Variants in CDK19 observed in about 807,000 individuals in gnomAD.
The protein encoded by CDK19 is cyclin dependent kinase 19.
In CDK19, 20 loss-of-function variants were observed where a neutral mutation model predicts 68.3. The observed-to-expected ratio is 0.29, with a 90% confidence interval of 0.21 to 0.43. The LOEUF (loss-of-function observed/expected upper bound fraction) is 0.43. CDK19 is among the 20% of genes least tolerant of loss of function. CDK19 has a pLI of 1.00. For synonymous variants in CDK19, 221 were observed against 222.8 expected (o/e 0.99, Z 0.07); for missense variants, 339 against 623.5 (o/e 0.54, Z 4.86).
At chr6:110,642,029 G>A (rs915200489) in intron 4 of CDK19, among the ~76,000 whole-genome samples, 2 of 152,202 alleles carry the variant, frequency 1.3e-5, no homozygotes, top group African/African-American at 2.4e-5. Context: ...GAGGCTGGGC[G>A]TGGTGGCTCA....
chr6:110,647,075 C>T (rs1780645721), intron 4 of CDK19, among the ~76,000 whole-genome samples: 1 of 152,074 alleles, frequency 6.6e-6, no homozygotes, highest in Admixed American at 6.6e-5. Flanking sequence ...GCGCTGTCTA[C>T]ACCCTCCTGC....
At chr6:110,755,071 G>T (rs893072082) in intron 1 of CDK19, among the ~76,000 whole-genome samples, 1 of 130,924 alleles carries the variant, frequency 7.6e-6, no homozygotes, top group South Asian at 2.4e-4. Flanking sequence ...ATGAAGTTTC[G>T]CTCTTGTTGC....
intron 5 of CDK19, among the ~76,000 whole-genome samples, chr6:110,634,727 T>C (rs2114726106): frequency 6.6e-6 from 1 of 152,362 alleles, no homozygotes; most frequent in African/African-American, 2.4e-5. Flanking sequence ...TTACACAATA[T>C]TCAAGGCACT....
chr6:110,670,752 T>A (rs1770931246), intron 2 of CDK19: 1 of 644,426 alleles, frequency 1.6e-6, no homozygotes, highest in African/African-American at 1.8e-5. Flanking sequence ...TTCTATGTGC[T>A]TAGGTATATC....
chr6:110,625,217 CCT>C (rs1261735655), intron 8 of CDK19, among the ~76,000 whole-genome samples: 4 of 152,276 alleles, frequency 2.6e-5, no homozygotes, highest in African/African-American at 9.6e-5. Context: ...AGTTCTCACC[CCT>C]GATTCTGACT....
At chr6:110,643,010 G>A (rs1411516355) in intron 4 of CDK19, among the ~76,000 whole-genome samples, 1 of 152,180 alleles carries the variant, frequency 6.6e-6, no homozygotes, top group Admixed American at 6.5e-5. Flanking sequence ...GAAAGGCAAG[G>A]TAGGCCTGAG....
rs536090016 is a variant in CDK19 at position 110,610,017 on chromosome 6, T to C, written c.*4518A>G. Reference sequence around the variant, plus strand: ...TTTTATTTCAACCAAGAATATAAAATAAATGCAATGTAATTTATTTTAGTT... The same window carrying C: ...TTTTATTTCAACCAAGAATATAAAACAAATGCAATGTAATTTATTTTAGTT... On this transcript the variant is annotated 3_prime_UTR_variant, in exon 13 of 13. Coordinates refer to ENST00000368911, the MANE Select transcript of CDK19 (RefSeq NM_015076.5). The C allele has an allele frequency of 5.0e-4, 76 of 152,314 alleles. No homozygotes were observed. Among genetic ancestry groups the C allele is most frequent in the African/African-American group, 1.6e-3 (68 of 41,570 alleles). The allele number at this position is 152,314 out of a possible 1,614,324, so 9.4% of individuals were successfully genotyped here. A position where few individuals can be genotyped will look rare whatever the true frequency, so the allele number is the denominator to read the frequency against.
At chr6:110,678,539 T>A (rs1488660946) in intron 2 of CDK19, among the ~76,000 whole-genome samples, 2 of 152,108 alleles carry the variant, frequency 1.3e-5, no homozygotes, top group African/African-American at 2.4e-5. Context: ...CCTCAGTGAG[T>A]CTTCCCTAGC....
chr6:110,650,138 C>T (rs1359041754), intron 4 of CDK19, among the ~76,000 whole-genome samples: 1 of 152,132 alleles, frequency 6.6e-6, no homozygotes, highest in Non-Finnish European at 1.5e-5. Flanking sequence ...AGATTTAAGA[C>T]TATATAGAAC....
At chr6:110,698,549 G>A (rs2114621239) in intron 2 of CDK19, among the ~76,000 whole-genome samples, 1 of 152,274 alleles carries the variant, frequency 6.6e-6, no homozygotes, top group African/African-American at 2.4e-5. Flanking sequence ...ACTTAACACT[G>A]CTGGTTGGAA....
intron 2 of CDK19, among the ~76,000 whole-genome samples, chr6:110,709,884 T>A (rs1283759300): frequency 6.6e-6 from 1 of 152,184 alleles, no homozygotes; most frequent in African/African-American, 2.4e-5. Context: ...TAAAACTTCT[T>A]ATACACAAAT....
rs557576296 is a variant in CDK19 at position 110,780,283 on chromosome 6, G to A, written c.129-34082C>T. Among the ~76,000 whole-genome samples, 10 of 150,832 alleles carry A rather than the reference G, an allele frequency of 6.6e-5. No homozygotes were observed. In the East Asian group the frequency reaches 9.7e-4, roughly 15 times the overall value. ...CATGCACCTGTAATCCTAGCTGCTC[G>A]GGAGACTGAGGCAGAAGAATCACTT... On this transcript the variant is annotated intron_variant, in intron 1 of 12. Transcript: ENST00000368911.
rs914125535 is a variant in CDK19, at chr6:110,815,438, G to A, written c.-302C>T. 13 of 256,260 alleles carry A rather than the reference G, an allele frequency of 5.1e-5. No homozygotes were observed. Among genetic ancestry groups the A allele is most frequent in the African/African-American group, 1.1e-4 (5 of 44,272 alleles). 15.9% of individuals were successfully genotyped at this position (256,260 alleles called of 1,614,324 possible). A position where few individuals can be genotyped will look rare whatever the true frequency, so the allele number is the denominator to read the frequency against. ...GTTTTGGAACCTGGTGGGCCGCGCC[G>A]TGGCTTCCTCGAGCTCATTAGCGAA... On this transcript the variant is annotated 5_prime_UTR_variant, in exon 1 of 13. In the 5' UTR this introduces an upstream ATG that the reference lacks. Coordinates refer to ENST00000368911, the MANE Select transcript of CDK19 (RefSeq NM_015076.5).
intron 4 of CDK19, among the ~76,000 whole-genome samples, chr6:110,654,528 A>C (rs1174660468): frequency 6.6e-6 from 1 of 152,254 alleles, no homozygotes; most frequent in African/African-American, 2.4e-5. Flanking sequence ...TGTTTAATAC[A>C]TATTTGTTGA....
chr6:110,638,597 T>A, intron 5 of CDK19, 52 bp downstream of exon 5: 1 of 884,868 alleles, frequency 1.1e-6, no homozygotes, highest in Non-Finnish European at 1.9e-6. Flanking sequence ...GGAAACCATC[T>A]TTGCAGTTAA....
At chr6:110,712,754 G>C (rs1244126833) in intron 2 of CDK19, among the ~76,000 whole-genome samples, 2 of 152,304 alleles carry the variant, frequency 1.3e-5, no homozygotes, top group African/African-American at 4.8e-5. Flanking sequence ...CATTAAAGGA[G>C]TAGGTTAGCT....
At chr6:110,785,074 CAAAAA>C (rs66578190) in intron 1 of CDK19, among the ~76,000 whole-genome samples, 2 of 64,942 alleles carry the variant, frequency 3.1e-5, no homozygotes, top group South Asian at 1.2e-3. Context: ...ACTGAATTGT[CAAAAA>C]AAAAAAAAAA....
At chr6:110,719,792 G>A (rs960662590) in intron 2 of CDK19, among the ~76,000 whole-genome samples, 7 of 152,014 alleles carry the variant, frequency 4.6e-5, no homozygotes, top group Non-Finnish European at 8.8e-5. Context: ...GTGCAGTGGC[G>A]CAATCTGGGC....
intron 4 of CDK19, among the ~76,000 whole-genome samples, chr6:110,663,043 T>C (rs1168640111): frequency 6.6e-6 from 1 of 152,184 alleles, no homozygotes; most frequent in Non-Finnish European, 1.5e-5. Context: ...AATGCCTCTG[T>C]GTGTGATGTC....
Sources: gnomAD v4.1 joint callset for allele counts (sites outside exome capture counted in the v4.1 genomes callset) on GRCh38, gnomAD v4.1.1 for gene constraint, MANE v1.5 for transcripts, NCBI Gene and HGNC (gene_info 2026-07-23, HGNC 2026-07-21) for gene names.